Variants in MINPP1 observed in about 807,000 individuals in gnomAD.
MINPP1 encodes multiple inositol polyphosphate phosphatase 1.
A neutral mutation model predicts 46.1 loss-of-function variants in MINPP1; 28 were observed. The ratio of observed to expected loss-of-function variants is 0.61; its 90% confidence interval spans 0.45 to 0.83. MINPP1 has a LOEUF of 0.83. Among genes scored for constraint, MINPP1 ranks in the 40% least tolerant of loss-of-function variants. The pLI, the probability that MINPP1 is intolerant of heterozygous loss-of-function variation, is 0.00. For synonymous variants in MINPP1, 268 were observed against 249.1 expected (o/e 1.08, Z -0.72); for missense variants, 603 against 610.0 (o/e 0.99, Z 0.12).
In MINPP1 at chr10:87,505,585, G is replaced by T. The variant is rs1851234019; in HGVS notation, c.637+33G>T. The T allele has an allele frequency of 6.3e-7, 1 of 1,578,130 alleles. No homozygotes were observed. Among genetic ancestry groups the T allele is most frequent in the Non-Finnish European group, 8.6e-7 (1 of 1,169,354 alleles). On this transcript the variant is annotated intron_variant, in intron 1 of 4. Transcript: ENST00000371996. This position sits in a 1 kb window ranked among gnomAD's most constrained non-coding sequence, Gnocchi z 4.4. Reference sequence around the variant, plus strand: ...CCCGGGCGGCCCGTGTGCTGTCCCGGTCCTCCCACCCGCCCTGGATGCTCT... The same window carrying T: ...CCCGGGCGGCCCGTGTGCTGTCCCGTTCCTCCCACCCGCCCTGGATGCTCT...
chr10:87,513,114 T>C lies in MINPP1; in HGVS notation c.836-10T>C, dbSNP rs1328944739. ...ATGACCCACAAAATTTTACCTTTTT[T>C]TCCCCCCAGATTTAATTCAAGTAGC... On this transcript the variant is annotated splice_polypyrimidine_tract_variant and intron_variant, in intron 2 of 4. Coordinates refer to ENST00000371996, the MANE Select transcript of MINPP1 (RefSeq NM_004897.5). 16 of 1,610,812 alleles carry C rather than the reference T, an allele frequency of 9.9e-6. No homozygotes were observed. Among genetic ancestry groups the C allele is most frequent in the Non-Finnish European group, 1.4e-5 (16 of 1,177,242 alleles).
chr10:87,544,618 G>A (rs1007075107), intron 4 of MINPP1, among the ~76,000 whole-genome samples: 3 of 152,104 alleles, frequency 2.0e-5, no homozygotes, highest in Non-Finnish European at 4.4e-5. Flanking sequence ...AGGATTTTAG[G>A]AGTTTTGTAC....
chr10:87,546,140 A>G (rs1564683483), intron 4 of MINPP1, among the ~76,000 whole-genome samples: 2 of 152,238 alleles, frequency 1.3e-5, no homozygotes, highest in African/African-American at 4.8e-5. Flanking sequence ...TTTTATGGTT[A>G]TTAATAAATA....
chr10:87,506,009 T>TTTCC (rs1851243498), intron 1 of MINPP1, among the ~76,000 whole-genome samples: 1 of 150,950 alleles, frequency 6.6e-6, no homozygotes, highest in Admixed American at 6.6e-5. Flanking sequence ...GATACTAGTT[T>TTTCC]TTCCTTCTTT....
intron 4 of MINPP1, among the ~76,000 whole-genome samples, chr10:87,547,218 C>T (rs914793255): frequency 1.3e-5 from 2 of 152,102 alleles, no homozygotes; most frequent in Admixed American, 1.3e-4. Flanking sequence ...TCAAGTGATT[C>T]TTCTGCCTTG....
At chr10:87,512,815 G>A (rs983713650) in intron 2 of MINPP1, among the ~76,000 whole-genome samples, 3 of 151,714 alleles carry the variant, frequency 2.0e-5, no homozygotes, top group African/African-American at 7.3e-5. Flanking sequence ...CTGGACAACA[G>A]AGCAAGACCC....
At chr10:87,530,675 G>C (rs1851646575) in intron 4 of MINPP1, among the ~76,000 whole-genome samples, 1 of 152,190 alleles carries the variant, frequency 6.6e-6, no homozygotes, top group African/African-American at 2.4e-5. Flanking sequence ...GAGGCAGTCT[G>C]TCCGTTCTCA....
intron 4 of MINPP1, among the ~76,000 whole-genome samples, chr10:87,525,688 C>T (rs1303938101): frequency 1.3e-5 from 2 of 152,194 alleles, no homozygotes; most frequent in Admixed American, 1.3e-4. Flanking sequence ...TAATGCTATC[C>T]TTTCCCCCTC....
chr10:87,515,033 A>C (rs1009617696), intron 3 of MINPP1, among the ~76,000 whole-genome samples: 7 of 151,946 alleles, frequency 4.6e-5, no homozygotes, highest in Admixed American at 4.6e-4. Context: ...TTTGATCATT[A>C]GATTACAATG....
intron 3 of MINPP1, among the ~76,000 whole-genome samples, chr10:87,518,708 C>T (rs984004882): frequency 3.3e-5 from 5 of 152,174 alleles, no homozygotes; most frequent in African/African-American, 1.2e-4. Flanking sequence ...GTTGGCGTTC[C>T]CATGACCTCT....
At chr10:87,508,195 C>G in intron 1 of MINPP1, 141 bp from the exon 2 acceptor site, 3 of 1,547,786 alleles carry the variant, frequency 1.9e-6, no homozygotes, top group Non-Finnish European at 2.6e-6. Flanking sequence ...CCAAGAGTTT[C>G]CTGACCAATA....
At chr10:87,517,639 T>C (rs1851431202) in intron 3 of MINPP1, among the ~76,000 whole-genome samples, 1 of 152,234 alleles carries the variant, frequency 6.6e-6, no homozygotes. Context: ...TTATTCATTA[T>C]CTTTTCAGTA....
At chr10:87,520,424 C>G (rs1038353299) in intron 3 of MINPP1, among the ~76,000 whole-genome samples, 1 of 152,112 alleles carries the variant, frequency 6.6e-6, no homozygotes, top group African/African-American at 2.4e-5. Flanking sequence ...AATTTGCCCT[C>G]TAGAATGTCT....
chr10:87,541,865 G>A (rs1199088955), intron 4 of MINPP1, among the ~76,000 whole-genome samples: 1 of 152,168 alleles, frequency 6.6e-6, no homozygotes, highest in African/African-American at 2.4e-5. Context: ...CCATTTGAGA[G>A]GGATCCTCCC....
Position 87,504,970 on chromosome 10 carries a change from C to T in MINPP1, c.55C>T (p.Leu19=), listed in dbSNP as rs745405045. The T allele has an allele frequency of 3.4e-5, 55 of 1,611,972 alleles. No individual in the cohort carries two copies. The highest frequency in any genetic ancestry group is 4.4e-5 in the Non-Finnish European group (52 of 1,179,566). ...LRTSVAPAAA[L]AAALLSSLAR... ...GACCTCCGTAGCGCCTGCCGCGGCCCTGGCTGCGGCGCTGCTCTCGTCGCT... is the reference window on the plus strand; with the variant it reads ...GACCTCCGTAGCGCCTGCCGCGGCCTTGGCTGCGGCGCTGCTCTCGTCGCT... The change falls in exon 1 of 5, where the codon CTG becomes TTG. Residue 19 remains leucine (L), a synonymous_variant. Coordinates refer to ENST00000371996, the MANE Select transcript of MINPP1 (RefSeq NM_004897.5).
chr10:87,551,354 A>G (rs1235255425), intron 4 of MINPP1, among the ~76,000 whole-genome samples: 1 of 152,086 alleles, frequency 6.6e-6, no homozygotes, highest in Non-Finnish European at 1.5e-5. Context: ...TATTTTTTCT[A>G]TAAAGGTAGG....
At chr10:87,516,883 A>G (rs959752077) in intron 3 of MINPP1, among the ~76,000 whole-genome samples, 2 of 152,118 alleles carry the variant, frequency 1.3e-5, no homozygotes, top group Admixed American at 6.5e-5. Context: ...TTTTTCCCTA[A>G]GAAACAGTTT....
chr10:87,512,471 G>T (rs1449689727), intron 2 of MINPP1, among the ~76,000 whole-genome samples: 2 of 151,562 alleles, frequency 1.3e-5, no homozygotes, highest in African/African-American at 4.9e-5. Context: ...CTCCATCTCT[G>T]TAGTCTTCTC....
At chr10:87,508,091 T>A (rs1851279653) in intron 1 of MINPP1, 6 of 1,498,406 alleles carry the variant, frequency 4.0e-6, no homozygotes, top group Non-Finnish European at 5.3e-6. Context: ...GCGTAGCATC[T>A]CTACAACACA....
Sources: gnomAD v4.1 joint callset for allele counts (sites outside exome capture counted in the v4.1 genomes callset) on GRCh38, gnomAD v4.1.1 for gene constraint, Gnocchi (gnomAD v3.1) non-coding constraint, MANE v1.5 for transcripts, NCBI Gene and HGNC (gene_info 2026-07-23, HGNC 2026-07-21) for gene names.